LDB2: variants seen among roughly 807,000 people sequenced by gnomAD.
The protein encoded by LDB2 is LIM domain-binding protein 2.
A neutral mutation model predicts 44.3 loss-of-function variants in LDB2; 12 were observed. The ratio of observed to expected loss-of-function variants is 0.27; its 90% CI spans 0.17 to 0.44. The LOEUF (loss-of-function observed/expected upper bound fraction) is 0.44, where lower values mean the gene tolerates loss of function less well. Among genes scored for constraint, LDB2 ranks in the 20% least tolerant of loss-of-function variants. LDB2 has a pLI of 1.00. For synonymous variants in LDB2, 164 were observed against 174.8 expected, an observed-to-expected ratio of 0.94 and a Z score of 0.49; for missense variants, 344 against 473.5, an observed-to-expected ratio of 0.73 and a Z score of 2.54.
chr4:16,794,458 G>C (rs1776343307), intron 1 of LDB2, among the ~76,000 whole-genome samples: 3 of 152,114 alleles, frequency 2.0e-5, no homozygotes, highest in Admixed American at 2.0e-4. Context: ...TACCTTCCCT[G>C]TCCTTGCTTT....
intron 5 of LDB2, among the ~76,000 whole-genome samples, chr4:16,574,396 G>A (rs1032820199): frequency 2.0e-5 from 3 of 152,050 alleles, no homozygotes; most frequent in African/African-American, 7.2e-5. Flanking sequence ...AGCTCCCTCA[G>A]GCCACACTTC....
intron 1 of LDB2, among the ~76,000 whole-genome samples, chr4:16,851,337 T>C (rs1231375736): frequency 1.3e-5 from 2 of 151,418 alleles, no homozygotes; most frequent in Admixed American, 6.6e-5. Context: ...GGGGAGTAAA[T>C]GGAAAAAAGG....
chr4:16,679,236 T>G (rs193080214), intron 2 of LDB2, among the ~76,000 whole-genome samples: 86 of 152,242 alleles, frequency 5.6e-4, no homozygotes, highest in African/African-American at 2.1e-3. Context: ...ATGATTCTTT[T>G]AATTTTTGAT....
intron 2 of LDB2, among the ~76,000 whole-genome samples, chr4:16,745,182 T>C (rs1764143285): frequency 6.6e-6 from 1 of 152,206 alleles, no homozygotes; most frequent in Admixed American, 6.5e-5. Context: ...TGGGTCATCC[T>C]GGAAATACAG....
chr4:16,504,157 T>G (rs1577213356), intron 7 of LDB2, among the ~76,000 whole-genome samples: 1 of 152,076 alleles, frequency 6.6e-6, no homozygotes, highest in Non-Finnish European at 1.5e-5. Context: ...AATAAAATAT[T>G]TTGACAACTG....
At chr4:16,872,131 T>A (rs1405241709) in intron 1 of LDB2, among the ~76,000 whole-genome samples, 3 of 152,008 alleles carry the variant, frequency 2.0e-5, no homozygotes, top group Non-Finnish European at 4.4e-5. Flanking sequence ...TGTATGTATA[T>A]ACACGCTCTT....
At chr4:16,656,555 G>A (rs1739909200) in intron 2 of LDB2, among the ~76,000 whole-genome samples, 3 of 152,278 alleles carry the variant, frequency 2.0e-5, no homozygotes, top group Middle Eastern at 6.8e-3. Flanking sequence ...ATTTAAAAAC[G>A]GAAGCAGCTC....
intron 5 of LDB2, among the ~76,000 whole-genome samples, chr4:16,572,279 G>A (rs558388708): frequency 2.6e-4 from 39 of 152,146 alleles, no homozygotes; most frequent in African/African-American, 9.2e-4. Context: ...ACTGTTTCCT[G>A]GGAGCAACAG....
chr4:16,618,051 C>G (rs372202828), intron 2 of LDB2, among the ~76,000 whole-genome samples: 1 of 152,278 alleles, frequency 6.6e-6, no homozygotes, highest in East Asian at 1.9e-4. Context: ...GGTGCCTTCT[C>G]TGATTTCCAC....
At chr4:16,796,574 C>A (rs1424120634) in intron 1 of LDB2, among the ~76,000 whole-genome samples, 1 of 152,100 alleles carries the variant, frequency 6.6e-6, no homozygotes, top group Non-Finnish European at 1.5e-5. Context: ...TAGACACCCC[C>A]CTTGCAAGGA....
chr4:16,823,653 A>T (rs1782518587), intron 1 of LDB2, among the ~76,000 whole-genome samples: 1 of 152,202 alleles, frequency 6.6e-6, no homozygotes, highest in Admixed American at 6.5e-5. Context: ...GGTTCCACAA[A>T]GCCATACCTT....
chr4:16,799,556 G>C (rs1461203886), intron 1 of LDB2, among the ~76,000 whole-genome samples: 1 of 152,188 alleles, frequency 6.6e-6, no homozygotes, highest in Non-Finnish European at 1.5e-5. Context: ...TTAGGTTCCT[G>C]CCAACCTGTA....
chr4:16,870,791 C>A (rs1716339217), intron 1 of LDB2, among the ~76,000 whole-genome samples: 1 of 152,144 alleles, frequency 6.6e-6, no homozygotes, highest in South Asian at 2.1e-4. Flanking sequence ...CGCCACCACA[C>A]CTGGCTAGTT....
At chr4:16,668,972 C>A (rs1289672491) in intron 2 of LDB2, among the ~76,000 whole-genome samples, 1 of 152,180 alleles carries the variant, frequency 6.6e-6, no homozygotes, top group Non-Finnish European at 1.5e-5. Flanking sequence ...ACTCGTCTAA[C>A]TTGGGTCACA....
intron 2 of LDB2, among the ~76,000 whole-genome samples, chr4:16,600,470 G>T (rs1722274127): frequency 6.6e-6 from 1 of 152,250 alleles, no homozygotes; most frequent in South Asian, 2.1e-4. Context: ...TTTCTGTGAT[G>T]TTAGGTGAGT....
chr4:16,889,184 T>G (rs570140031), intron 1 of LDB2: 1 of 152,178 alleles, frequency 6.6e-6, no homozygotes, highest in African/African-American at 2.4e-5. Context: ...ACTTCCCATA[T>G]TTTCTGTTGT....
chr4:16,629,426 G>C (rs929559323), intron 2 of LDB2, among the ~76,000 whole-genome samples: 5 of 152,256 alleles, frequency 3.3e-5, no homozygotes, highest in African/African-American at 9.6e-5. Flanking sequence ...GAAGCTTCCA[G>C]AGGAAGGATC....
intron 1 of LDB2, among the ~76,000 whole-genome samples, chr4:16,847,791 T>G (rs1383825373): frequency 6.6e-6 from 1 of 152,202 alleles, no homozygotes; most frequent in Non-Finnish European, 1.5e-5. Context: ...TAATTTTTTG[T>G]ATTTTTTGTA....
At chr4:16,523,706 G>C (rs1308947796) in intron 5 of LDB2, among the ~76,000 whole-genome samples, 1 of 152,162 alleles carries the variant, frequency 6.6e-6, no homozygotes, top group East Asian at 1.9e-4. Context: ...TAGATAGTGT[G>C]TATCCATTGA....
Sources: gnomAD v4.1 joint callset for allele counts (sites outside exome capture counted in the v4.1 genomes callset) on GRCh38, gnomAD v4.1.1 for gene constraint, MANE v1.5 for transcripts, NCBI Gene and HGNC (gene_info 2026-07-23, HGNC 2026-07-21) for gene names.